The following IMMP2L variants were observed in gnomAD, a reference collection of about 807,000 sequenced individuals.
IMMP2L encodes the protein mitochondrial inner membrane protease subunit 2.
A neutral mutation model predicts 19.3 loss-of-function variants in IMMP2L; 18 were observed. The observed-to-expected ratio is 0.93, with a 90% CI of 0.64 to 1.38. IMMP2L has a LOEUF of 1.38. Among genes scored for constraint, IMMP2L ranks in the 40% most tolerant of loss-of-function variants. IMMP2L has a pLI of 0.00. For missense variants in IMMP2L, 233 were observed against 218.2 expected (o/e 1.07, Z -0.43); for synonymous variants, 76 against 73.0 (o/e 1.04, Z -0.21).
At chr7:111,224,113 C>G (rs572007332) in intron 3 of IMMP2L, among the ~76,000 whole-genome samples, 1 of 152,170 alleles carries the variant, frequency 6.6e-6, no homozygotes, top group South Asian at 2.1e-4. Flanking sequence ...CTCTCTCAAC[C>G]TGGGTTTACT....
At chr7:111,539,262 G>GAA (rs1362615671) in intron 1 of IMMP2L, among the ~76,000 whole-genome samples, 1 of 141,396 alleles carries the variant, frequency 7.1e-6, no homozygotes, top group Non-Finnish European at 1.6e-5. Flanking sequence ...AAGAAAGAAA[G>GAA]AAAGAAAGAG....
At chr7:110,929,874 T>C (rs1815276955) in intron 4 of IMMP2L, among the ~76,000 whole-genome samples, 1 of 152,016 alleles carries the variant, frequency 6.6e-6, no homozygotes, top group African/African-American at 2.4e-5. Context: ...ATGAAATGAT[T>C]GAGTTGTGAA....
intron 3 of IMMP2L, among the ~76,000 whole-genome samples, chr7:111,249,710 A>C (rs1267852432): frequency 1.3e-5 from 2 of 152,174 alleles, no homozygotes; most frequent in Non-Finnish European, 2.9e-5. Flanking sequence ...AAAATTCAAC[A>C]TCCCTTCATG....
At chr7:111,172,122 A>T (rs2063431374) in intron 3 of IMMP2L, among the ~76,000 whole-genome samples, 1 of 151,528 alleles carries the variant, frequency 6.6e-6, no homozygotes, top group East Asian at 1.9e-4. Context: ...TTGTGAAGAT[A>T]AATAAATCAC....
Position 111,346,064 on chromosome 7 carries a change from C to G in IMMP2L, c.239+141174G>C, listed in dbSNP as rs74871998. 4.7e-4 allele frequency among the ~76,000 whole-genome samples: 71 copies of G among 152,268 alleles called. No individual in the cohort carries two copies. In the East Asian group the frequency reaches 0.013, roughly 27 times the overall value. ...GGGTTATTTCAATTACCTAACCACT[C>G]TCTTCTAAATATGTTGTCATTGCTA... On this transcript the variant is annotated intron_variant, in intron 3 of 5. Coordinates refer to ENST00000405709, the MANE Select transcript of IMMP2L (RefSeq NM_032549.4).
chr7:110,779,958 A>T (rs1799628256), intron 5 of IMMP2L, among the ~76,000 whole-genome samples: 1 of 151,940 alleles, frequency 6.6e-6, no homozygotes, highest in African/African-American at 2.4e-5. Context: ...GCTATAAAAG[A>T]AATAAATGAA....
intron 3 of IMMP2L, among the ~76,000 whole-genome samples, chr7:111,336,223 T>C (rs1180744788): frequency 1.3e-5 from 2 of 151,032 alleles, no homozygotes; most frequent in Non-Finnish European, 3.0e-5. Flanking sequence ...TTTTTTTTTT[T>C]TTAAGTTTTT....
Position 111,207,534 on chromosome 7 carries a change from G to GTTT in IMMP2L, c.240-243972_240-243970dup, listed in dbSNP as rs376864629. 1.8e-3 allele frequency among the ~76,000 whole-genome samples: 165 copies of GTTT among 90,100 alleles called. 1 individual carries two copies. The highest frequency in any genetic ancestry group is 2.5e-3 in the Non-Finnish European group (121 of 48,920). The allele number at this position is 90,100 out of a possible 152,430, so 59.1% of individuals were successfully genotyped here. A position where few individuals can be genotyped will look rare whatever the true frequency, so the allele number is the denominator to read the frequency against. On this transcript the variant is annotated intron_variant, in intron 3 of 5. Coordinates refer to ENST00000405709, the MANE Select transcript of IMMP2L (RefSeq NM_032549.4). The stretch of plus-strand genomic sequence containing the variant: ...TTCTTTCTTTTTCGTTTTATTTTTG[G>GTTT]TTTTTTTTTTTTTTTTTTTTTTTGA...
At chr7:111,444,191 G>C (rs1317289459) in intron 3 of IMMP2L, among the ~76,000 whole-genome samples, 2 of 151,898 alleles carry the variant, frequency 1.3e-5, no homozygotes, top group African/African-American at 4.8e-5. Context: ...TCCTTTTTCT[G>C]AGGGTTTAAA....
At chr7:111,057,728 A>G (rs1793645476) in intron 3 of IMMP2L, among the ~76,000 whole-genome samples, 1 of 152,212 alleles carries the variant, frequency 6.6e-6, no homozygotes, top group Admixed American at 6.5e-5. Flanking sequence ...AATCAACTGG[A>G]TGCTCATTAA....
chr7:110,821,631 G>A (rs1323181872), intron 5 of IMMP2L, among the ~76,000 whole-genome samples: 1 of 152,016 alleles, frequency 6.6e-6, no homozygotes, highest in Non-Finnish European at 1.5e-5. Context: ...AGGAAAGGTA[G>A]GCTGGGCACA....
chr7:110,831,340 A>G (rs1803954128), intron 5 of IMMP2L, among the ~76,000 whole-genome samples: 1 of 152,128 alleles, frequency 6.6e-6, no homozygotes, highest in Non-Finnish European at 1.5e-5. Flanking sequence ...CCTCCCCTAG[A>G]AACATTCAGG....
intron 5 of IMMP2L, among the ~76,000 whole-genome samples, chr7:110,718,994 T>C (rs1795404166): frequency 6.6e-6 from 1 of 152,188 alleles, no homozygotes; most frequent in Non-Finnish European, 1.5e-5. Context: ...TAGACATGCA[T>C]GTAACCCCCT....
rs1382726540 is a variant in IMMP2L at position 110,760,217 on chromosome 7, C to G, written c.409-96496G>C. ...TCCACGTCCAGGCCTAAGATAGTAT[C>G]ATTCCCTTTCTATTAGTGTTTATCT... On this transcript the variant is annotated intron_variant, in intron 5 of 5. Transcript: ENST00000405709. The surrounding 1 kb of genome is among the most constrained non-coding windows in gnomAD (Gnocchi z 4.2). 6.6e-6 allele frequency among the ~76,000 whole-genome samples: 1 copy of G among 152,136 alleles called. No homozygotes were observed. The highest frequency in any genetic ancestry group is 2.4e-5 in the African/African-American group (1 of 41,446).
chr7:111,459,754 C>G (rs544894171), intron 3 of IMMP2L, among the ~76,000 whole-genome samples: 6 of 152,064 alleles, frequency 3.9e-5, no homozygotes, highest in Non-Finnish European at 8.8e-5. Context: ...TAGCTTTTCC[C>G]TTAAAACATA....
At chr7:111,426,948 T>A (rs1761752247) in intron 3 of IMMP2L, among the ~76,000 whole-genome samples, 1 of 151,240 alleles carries the variant, frequency 6.6e-6, no homozygotes, top group Non-Finnish European at 1.5e-5. Flanking sequence ...AGCCAGGAAC[T>A]GAGGTGAGCC....
At position 110,803,190 on chromosome 7, in the gene IMMP2L, C is replaced by T. The variant is rs1719309271; in HGVS notation, c.408+83403G>A. 6.6e-6 allele frequency among the ~76,000 whole-genome samples: 1 copy of T among 151,954 alleles called. No homozygotes were observed. Reference sequence around the variant, plus strand: ...TATTAGGTAGTGGGAACAAAATGGACATAATCTCTGAGATAGGAATGAATA... The same window carrying T: ...TATTAGGTAGTGGGAACAAAATGGATATAATCTCTGAGATAGGAATGAATA... On this transcript the variant is annotated intron_variant, in intron 5 of 5. Transcript: ENST00000405709. This position sits in a 1 kb window ranked among gnomAD's most constrained non-coding sequence, Gnocchi z 4.2.
At chr7:111,096,079 A>G (rs1797367818) in intron 3 of IMMP2L, among the ~76,000 whole-genome samples, 1 of 152,032 alleles carries the variant, frequency 6.6e-6, no homozygotes, top group Admixed American at 6.6e-5. Flanking sequence ...AACTTGTAAG[A>G]AGGATACAAA....
chr7:111,136,859 T>C (rs1802395732), intron 3 of IMMP2L, among the ~76,000 whole-genome samples: 1 of 152,152 alleles, frequency 6.6e-6, no homozygotes, highest in Admixed American at 6.6e-5. Flanking sequence ...TCAGCAACCA[T>C]ATTTTATATT....
Sources: allele counts gnomAD v4.1 joint callset (sites outside exome capture counted in the v4.1 genomes callset), GRCh38; gene constraint gnomAD v4.1.1; non-coding constraint Gnocchi (gnomAD v3.1); transcripts MANE v1.5; gene names NCBI Gene and HGNC (gene_info 2026-07-23, HGNC 2026-07-21).